The following OSBPL9 variants were observed in gnomAD, a reference collection of about 807,000 sequenced individuals.
The protein encoded by OSBPL9 is oxysterol binding protein like 9, also known as oxysterol-binding protein-related protein 9.
A neutral mutation model predicts 106.6 loss-of-function variants in OSBPL9; 40 were observed. The ratio of observed to expected loss-of-function variants is 0.38; its 90% CI spans 0.29 to 0.49. The LOEUF (loss-of-function observed/expected upper bound fraction) is 0.49. OSBPL9 is among the 20% of genes least tolerant of loss of function. The probability of loss-of-function intolerance (pLI) is 0.97; values close to 1 mark genes in which losing one functional copy is unlikely to be tolerated. For missense variants in OSBPL9, 609 were observed against 887.2 expected (o/e 0.69, Z 3.98); for synonymous variants, 269 against 295.4 (o/e 0.91, Z 0.92).
chr1:51,740,747 C>G (rs1348582320), intron 4 of OSBPL9, among the ~76,000 whole-genome samples: 1 of 152,124 alleles, frequency 6.6e-6, no homozygotes, highest in Non-Finnish European at 1.5e-5. Flanking sequence ...TGTTATTACT[C>G]AGCCTTCCTG....
chr1:51,535,864 C>T, the OSBPL9 span, among the ~76,000 whole-genome samples: 6 of 152,196 alleles, frequency 3.9e-5, no homozygotes, highest in African/African-American at 1.4e-4. Context: ...ACCGTGCCCA[C>T]CTTTACACTT....
intron 3 of OSBPL9, among the ~76,000 whole-genome samples, chr1:51,710,631 A>T (rs1398020865): frequency 6.6e-6 from 1 of 152,228 alleles, no homozygotes; most frequent in African/African-American, 2.4e-5. Context: ...CATAAAGGAT[A>T]TATTTCAGTG....
At chr1:51,612,944 A>G (rs909140397), upstream of OSBPL9, among the ~76,000 whole-genome samples, 1 of 152,172 alleles carries the variant, frequency 6.6e-6, no homozygotes, top group Non-Finnish European at 1.5e-5. Flanking sequence ...CCACTAAATA[A>G]CTCTGTGTTC....
At chr1:51,746,614 G>T in intron 5 of OSBPL9, 96 bp from the exon 6 acceptor site, 4 of 856,142 alleles carry the variant, frequency 4.7e-6, no homozygotes, top group East Asian at 2.7e-5. Flanking sequence ...TGGACAAAAT[G>T]TGTTTAAGAA....
chr1:51,783,542 T>C (rs1676896764), intron 17 of OSBPL9, among the ~76,000 whole-genome samples: 1 of 152,190 alleles, frequency 6.6e-6, no homozygotes, highest in South Asian at 2.1e-4. Flanking sequence ...CCCATGGATA[T>C]GGAGGGTCAA....
chr1:51,585,778 A>T (rs760416638), intron 1 of OSBPL9, among the ~76,000 whole-genome samples: 5 of 151,858 alleles, frequency 3.3e-5, no homozygotes, highest in African/African-American at 1.2e-4. Context: ...TCCATCTCAA[A>T]AAATAAATAA....
chr1:51,540,061 ATTC>A, the OSBPL9 span, among the ~76,000 whole-genome samples: 4 of 152,108 alleles, frequency 2.6e-5, no homozygotes, highest in South Asian at 4.1e-4. Context: ...TATCTCAAGT[ATTC>A]TTCTTTTTTT....
At chr1:51,530,096 G>C in the OSBPL9 span, among the ~76,000 whole-genome samples, 396 of 146,344 alleles carry the variant, frequency 2.7e-3, 1 homozygote, top group Middle Eastern at 3.7e-3. Flanking sequence ...GCATGAACCT[G>C]GGAGGCGGAG....
chr1:51,764,133 C>A (rs1368061433), intron 11 of OSBPL9, among the ~76,000 whole-genome samples: 1 of 152,092 alleles, frequency 6.6e-6, no homozygotes, highest in African/African-American at 2.4e-5. Context: ...TCCCTTACTT[C>A]TCTTGTTAAT....
At chr1:51,536,519 T>C in the OSBPL9 span, among the ~76,000 whole-genome samples, 1 of 152,122 alleles carries the variant, frequency 6.6e-6, no homozygotes, top group South Asian at 2.1e-4. Flanking sequence ...GGTCTCGTTA[T>C]GTTGCCCAGA....
chr1:51,741,557 TTC>T (rs1231345042), intron 4 of OSBPL9, among the ~76,000 whole-genome samples: 2 of 150,384 alleles, frequency 1.3e-5, no homozygotes, highest in Admixed American at 6.6e-5. Flanking sequence ...CAACCTCTCT[TTC>T]TCTCTCTTTC....
intron 3 of OSBPL9, among the ~76,000 whole-genome samples, chr1:51,671,041 T>C (rs1213532394): frequency 6.6e-6 from 1 of 152,188 alleles, no homozygotes; most frequent in Non-Finnish European, 1.5e-5. Context: ...CTCATACTTA[T>C]TTGGCTTATA....
At chr1:51,633,576 G>A (rs1456314678) in intron 1 of OSBPL9, among the ~76,000 whole-genome samples, 2 of 151,134 alleles carry the variant, frequency 1.3e-5, no homozygotes, top group African/African-American at 4.9e-5. Flanking sequence ...GGGCAACAGA[G>A]CAAGACCCTG....
chr1:51,779,859 C>G (rs1160895129), intron 15 of OSBPL9, among the ~76,000 whole-genome samples: 1 of 152,068 alleles, frequency 6.6e-6, no homozygotes, highest in South Asian at 2.1e-4. Flanking sequence ...AGGTGGATCA[C>G]GAGGTCAGGA....
chr1:51,658,696 A>T (rs544517131), intron 2 of OSBPL9, among the ~76,000 whole-genome samples: 2 of 152,208 alleles, frequency 1.3e-5, no homozygotes, highest in African/African-American at 4.8e-5. Context: ...CAGAATATTA[A>T]TATTTTCAGT....
chr1:51,699,951 C>G (rs1656881470), intron 3 of OSBPL9, among the ~76,000 whole-genome samples: 1 of 152,176 alleles, frequency 6.6e-6, no homozygotes, highest in Non-Finnish European at 1.5e-5. Context: ...GCTGATACCT[C>G]CAGTTACAGT....
chr1:51,637,855 A>G (rs1645548206), intron 1 of OSBPL9, among the ~76,000 whole-genome samples: 1 of 152,246 alleles, frequency 6.6e-6, no homozygotes, highest in African/African-American at 2.4e-5. Flanking sequence ...GTGGCATTAG[A>G]TATTGACATC....
rs557844364 is a variant in OSBPL9 at position 51,723,591 on chromosome 1, G to C, written c.318+9512G>C. On this transcript the variant is annotated intron_variant, in intron 4 of 23. Coordinates refer to ENST00000428468, the MANE Select transcript of OSBPL9 (RefSeq NM_024586.6). ...ACAAGGTGTCTCACTCTGTTGCCCA[G>C]GCTGGAGTGCAGTGGCCCAATCATA... Among the ~76,000 whole-genome samples, 11 of 152,088 alleles carry C rather than the reference G, an allele frequency of 7.2e-5. No individual in the cohort carries two copies. In the East Asian group the frequency reaches 1.7e-3, roughly 24 times the overall value.
At chr1:51,566,808 C>T in the OSBPL9 span, among the ~76,000 whole-genome samples, 895 of 152,314 alleles carry the variant, frequency 5.9e-3, 4 homozygotes, top group African/African-American at 0.021. Context: ...GTCTTTCTGC[C>T]TGTCCCACTA....
Sources: allele counts gnomAD v4.1 joint callset (sites outside exome capture counted in the v4.1 genomes callset), GRCh38; gene constraint gnomAD v4.1.1; transcripts MANE v1.5; gene names NCBI Gene and HGNC (gene_info 2026-07-23, HGNC 2026-07-21).